AGAP1: variants seen among roughly 807,000 people sequenced by gnomAD.
The protein encoded by AGAP1 is arf-GAP with GTPase, ANK repeat and PH domain-containing protein 1.
Under a neutral mutation model 105.3 loss-of-function variants are expected in AGAP1, and 29 were observed. The observed-to-expected ratio is 0.28, with a 90% CI of 0.21 to 0.38. AGAP1 has a LOEUF of 0.38. AGAP1 is among the 10% of genes least tolerant of loss of function. AGAP1 has a pLI of 1.00. For missense variants in AGAP1, 998 were observed against 1,165.1 expected, an observed-to-expected ratio of 0.86 and a Z score of 2.09; for synonymous variants, 509 against 485.9, an observed-to-expected ratio of 1.05 and a Z score of -0.63.
At chr2:236,064,772 C>T (rs7557002) in intron 16 of AGAP1, among the ~76,000 whole-genome samples, 1 of 151,932 alleles carries the variant, frequency 6.6e-6, no homozygotes, top group African/African-American at 2.4e-5. Flanking sequence ...CACCCTTCCT[C>T]GGAGAATTCT....
rs542536942 is a variant in AGAP1 at position 236,096,821 on chromosome 2, T to A, written c.2115-23371T>A. On this transcript the variant is annotated intron_variant, in intron 16 of 17. Transcript: ENST00000304032. The surrounding 1 kb of genome is among the most constrained non-coding windows in gnomAD (Gnocchi z 4.4). ...CTGGTCTCGAGCTCCCAACCTCAAG[T>A]GATTCACCCCGGCCTCCCAAAGTGC... 1.3e-5 allele frequency among the ~76,000 whole-genome samples: 2 copies of A among 152,126 alleles called. No homozygotes were observed. Among genetic ancestry groups the A allele is most frequent in the South Asian group, 4.2e-4 (2 of 4,806 alleles).
intron 12 of AGAP1, among the ~76,000 whole-genome samples, chr2:235,935,804 C>T (rs959155877): frequency 2.0e-4 from 31 of 152,192 alleles, no homozygotes; most frequent in African/African-American, 7.2e-4. Flanking sequence ...GAAGCGTTAG[C>T]CACGAGTCAG....
chr2:235,506,495 G>A (rs1299688371), intron 1 of AGAP1, among the ~76,000 whole-genome samples: 1 of 151,880 alleles, frequency 6.6e-6, no homozygotes, highest in South Asian at 2.1e-4. Context: ...CTCCACCCTG[G>A]GTGCCAGAGT....
chr2:235,923,958 T>C (rs7574658), intron 11 of AGAP1, among the ~76,000 whole-genome samples: 65,881 of 151,892 alleles, frequency 0.43, 15,071 homozygotes, highest in African/African-American at 0.56. Flanking sequence ...TGGTGTAGGT[T>C]GTCCTGGGAC....
At chr2:235,627,349 T>C (rs1946675586) in intron 1 of AGAP1, among the ~76,000 whole-genome samples, 1 of 151,946 alleles carries the variant, frequency 6.6e-6, no homozygotes, top group South Asian at 2.1e-4. Context: ...CTCGGCCTCC[T>C]GAGTAGCTGG....
chr2:236,061,265 T>C lies in AGAP1; in HGVS notation c.2114+11984T>C, dbSNP rs1388511510. ...TTGGTGAGGAACGTGGAGACACTGG[T>C]GCAGCCACTTGGGAAGATAGTCTGG... On this transcript the variant is annotated intron_variant, in intron 16 of 17. Transcript: ENST00000304032. The surrounding 1 kb of genome is among the most constrained non-coding windows in gnomAD (Gnocchi z 4.1). 2.0e-5 allele frequency among the ~76,000 whole-genome samples: 3 copies of C among 152,164 alleles called. No homozygotes were observed. Among genetic ancestry groups the C allele is most frequent in the African/African-American group, 7.2e-5 (3 of 41,440 alleles).
chr2:235,782,623 C>T (rs919193273), intron 6 of AGAP1, among the ~76,000 whole-genome samples: 3 of 152,100 alleles, frequency 2.0e-5, no homozygotes, highest in African/African-American at 7.2e-5. Flanking sequence ...AAAAGCATCA[C>T]TAGAAAAGCT....
chr2:236,102,570 A>G (rs1040618113), intron 16 of AGAP1, among the ~76,000 whole-genome samples: 2 of 150,276 alleles, frequency 1.3e-5, no homozygotes, highest in Non-Finnish European at 2.9e-5. Context: ...CCTGGGCGAC[A>G]GAGTGAGAGA....
intron 1 of AGAP1, among the ~76,000 whole-genome samples, chr2:235,495,881 C>T (rs1432940191): frequency 6.6e-6 from 1 of 152,214 alleles, no homozygotes; most frequent in African/African-American, 2.4e-5. Flanking sequence ...TGGTAAAAAG[C>T]CTGCAGAGTG....
Position 235,729,195 on chromosome 2 carries a change from C to G in AGAP1, c.310+11551C>G, listed in dbSNP as rs1312949325. Among the ~76,000 whole-genome samples the G allele has an allele frequency of 1.3e-5, 2 of 152,184 alleles. No individual in the cohort carries two copies. Among genetic ancestry groups the G allele is most frequent in the African/African-American group, 4.8e-5 (2 of 41,400 alleles). On this transcript the variant is annotated intron_variant, in intron 3 of 17. Transcript: ENST00000304032. The surrounding 1 kb of genome is among the most constrained non-coding windows in gnomAD (Gnocchi z 5.0). ...GGGATGAGCTGCTGGAACCCATCAC[C>G]ATGAAGCCCCCTGCACTAACTAGGG...
At chr2:235,524,414 G>A in intron 1 of AGAP1, 1 of 242,306 alleles carries the variant, frequency 4.1e-6, no homozygotes, top group East Asian at 1.6e-4. Context: ...TTTTTGCACA[G>A]CCTGACAGTG....
intron 16 of AGAP1, among the ~76,000 whole-genome samples, chr2:236,072,867 T>C (rs763151952): frequency 6.6e-6 from 1 of 152,216 alleles, no homozygotes; most frequent in Non-Finnish European, 1.5e-5. Flanking sequence ...TTTTAAATTT[T>C]CTAGTAGCTG....
At chr2:235,593,300 A>T (rs1488333487) in intron 1 of AGAP1, among the ~76,000 whole-genome samples, 1 of 152,160 alleles carries the variant, frequency 6.6e-6, no homozygotes, top group African/African-American at 2.4e-5. Flanking sequence ...TAACGCAGAG[A>T]CCCGAGACTG....
At chr2:235,869,976 C>T (rs1385056207) in intron 9 of AGAP1, among the ~76,000 whole-genome samples, 5 of 152,176 alleles carry the variant, frequency 3.3e-5, no homozygotes, top group Admixed American at 3.3e-4. Flanking sequence ...CCAGGAGTGG[C>T]ACAGCATAAT....
chr2:235,884,452 G>GTTT (rs35976413), intron 10 of AGAP1, among the ~76,000 whole-genome samples: 2,234 of 124,622 alleles, frequency 0.018, 96 homozygotes, highest in South Asian at 0.047. Context: ...ATTTTTCACT[G>GTTT]TTTTTTTTTT....
At position 235,965,956 on chromosome 2, in the gene AGAP1, G is replaced by T. The variant is rs1250476081; in HGVS notation, c.1484-2506G>T. ...AGAGAGGGGAGCCCATTCCTCTAGG[G>T]ATGGAGAGAGGGGAGTCCGTTCCTC... On this transcript the variant is annotated intron_variant, in intron 12 of 17. Transcript: ENST00000304032. This position sits in a 1 kb window ranked among gnomAD's most constrained non-coding sequence, Gnocchi z 5.8. Among the ~76,000 whole-genome samples, 1 of 152,126 alleles carries T rather than the reference G, an allele frequency of 6.6e-6. No homozygotes were observed. The highest frequency in any genetic ancestry group is 1.5e-5 in the Non-Finnish European group (1 of 68,022).
intron 1 of AGAP1, among the ~76,000 whole-genome samples, chr2:235,541,386 T>TC (rs1167172440): frequency 1.1e-5 from 1 of 89,948 alleles, no homozygotes; most frequent in East Asian, 4.5e-4. Flanking sequence ...CTTTTTTTTT[T>TC]TTTTTTTTTT....
chr2:235,940,074 C>T (rs1559673240), intron 12 of AGAP1, among the ~76,000 whole-genome samples: 1 of 152,162 alleles, frequency 6.6e-6, no homozygotes, highest in Non-Finnish European at 1.5e-5. Context: ...TCTCACCCAC[C>T]TTTTCACCAT....
rs532722577 is a variant in AGAP1, at chr2:236,044,732, G to T, written c.1891+3891G>T. Among the ~76,000 whole-genome samples, 3 of 151,386 alleles carry T rather than the reference G, an allele frequency of 2.0e-5. No individual in the cohort carries two copies. Among genetic ancestry groups the T allele is most frequent in the Non-Finnish European group, 4.4e-5 (3 of 67,954 alleles). ...AACGTCGGGTCTCCTTCCCATTGTC[G>T]CCTCTTAGTCCTTCCCTGACCTCCA... On this transcript the variant is annotated intron_variant, in intron 15 of 17. Transcript: ENST00000304032. The surrounding 1 kb of genome is among the most constrained non-coding windows in gnomAD (Gnocchi z 5.7).
Sources: gnomAD v4.1 joint callset for allele counts (sites outside exome capture counted in the v4.1 genomes callset) on GRCh38, gnomAD v4.1.1 for gene constraint, Gnocchi (gnomAD v3.1) non-coding constraint, MANE v1.5 for transcripts, NCBI Gene and HGNC (gene_info 2026-07-23, HGNC 2026-07-21) for gene names.